PLCG2: variants seen among roughly 807,000 people sequenced by gnomAD.
The protein encoded by PLCG2 is 1-phosphatidylinositol 4,5-bisphosphate phosphodiesterase gamma-2.
In PLCG2, 69 loss-of-function variants were observed where a neutral mutation model predicts 175.6. The observed-to-expected ratio is 0.39, with a 90% CI of 0.32 to 0.48. PLCG2 has a LOEUF of 0.48. Among genes scored for constraint, PLCG2 ranks in the 20% least tolerant of loss-of-function variants. The pLI is 0.91. For missense variants in PLCG2, 1,798 were observed against 1,650.9 expected (o/e 1.09, Z -1.54); for synonymous variants, 827 against 624.0 (o/e 1.33, Z -4.85).
At chr16:81,745,973 T>A (rs998434337) in intron 1 of PLCG2, among the ~76,000 whole-genome samples, 5 of 152,186 alleles carry the variant, frequency 3.3e-5, no homozygotes, top group African/African-American at 7.2e-5. Context: ...GTCCTTCCTT[T>A]TTCTTTAGAA....
chr16:81,815,213 T>C (rs1186991953), intron 2 of PLCG2, among the ~76,000 whole-genome samples: 1 of 152,168 alleles, frequency 6.6e-6, no homozygotes, highest in Non-Finnish European at 1.5e-5. Flanking sequence ...GGAGGTTTTA[T>C]TGCATATGGG....
intron 1 of PLCG2, among the ~76,000 whole-genome samples, chr16:81,751,413 A>G (rs1036115578): frequency 2.6e-5 from 4 of 152,242 alleles, no homozygotes; most frequent in African/African-American, 9.6e-5. Context: ...TATATGTGGA[A>G]TCTAAAACAG....
chr16:81,919,698 TTTC>T (rs752294059), intron 20 of PLCG2, 34 bp downstream of exon 20: 2 of 1,580,604 alleles, frequency 1.3e-6, no homozygotes, highest in Non-Finnish European at 1.7e-6. Context: ...TTTGGTGGGA[TTTC>T]TTGTCTGAGG....
At chr16:81,928,017 T>C (rs1348119933) in intron 23 of PLCG2, among the ~76,000 whole-genome samples, 2 of 97,334 alleles carry the variant, frequency 2.1e-5, no homozygotes, top group Non-Finnish European at 4.8e-5. Context: ...AGTGGATGCC[T>C]GGTTCTGCCA....
intron 2 of PLCG2, among the ~76,000 whole-genome samples, chr16:81,825,754 C>G (rs1443594470): frequency 1.3e-5 from 2 of 152,190 alleles, no homozygotes; most frequent in African/African-American, 4.8e-5. Flanking sequence ...TTCCTTGACC[C>G]ATTCGGTAAA....
chr16:81,957,764 C>G (rs1439414637), intron 32 of PLCG2, among the ~76,000 whole-genome samples, 192 bp from the exon 33 acceptor site: 1 of 152,064 alleles, frequency 6.6e-6, no homozygotes, highest in Non-Finnish European at 1.5e-5. Flanking sequence ...TCTGTTTTAC[C>G]ATTGAGGAGA....
intron 2 of PLCG2, among the ~76,000 whole-genome samples, chr16:81,834,238 C>G (rs1051239701): frequency 3.9e-5 from 6 of 152,136 alleles, no homozygotes; most frequent in Non-Finnish European, 8.8e-5. Flanking sequence ...ACTCTGACAC[C>G]TATTAAATGT....
intron 1 of PLCG2, among the ~76,000 whole-genome samples, chr16:81,780,406 C>G (rs982667579): frequency 2.0e-5 from 3 of 152,192 alleles, no homozygotes; most frequent in East Asian, 1.9e-4. Flanking sequence ...TCCTGACTCT[C>G]TGGTTCAAGG....
In PLCG2 at chr16:81,858,281, C is replaced by T. The variant is rs1366864234; in HGVS notation, c.356C>T (p.Ala119Val). The T allele has an allele frequency of 3.7e-6, 6 of 1,612,284 alleles. No individual in the cohort carries two copies. In the South Asian group the frequency reaches 5.5e-5, roughly 15 times the overall value. The change falls in exon 4 of 33, where the codon GCA becomes GTA. Residue 119 changes from alanine to valine, a missense_variant. Coordinates refer to ENST00000564138, the MANE Select transcript of PLCG2 (RefSeq NM_002661.5). ...LSLAADSKED[A>V]VNWLSGLKIL... ...ACTCCAGCTGACTCTAAAGAGGATG[C>T]AGTTAACTGGCTCTCTGGCTTGAAA...
At chr16:81,839,669 C>T (rs746184022) in intron 2 of PLCG2, among the ~76,000 whole-genome samples, 1 of 152,260 alleles carries the variant, frequency 6.6e-6, no homozygotes, top group Non-Finnish European at 1.5e-5. Context: ...AAATATACTA[C>T]AGTTAAGACA....
At chr16:81,817,049 A>T (rs1182963665) in intron 2 of PLCG2, among the ~76,000 whole-genome samples, 1 of 152,204 alleles carries the variant, frequency 6.6e-6, no homozygotes, top group Non-Finnish European at 1.5e-5. Flanking sequence ...TAGAGGCACA[A>T]CCATCACAGT....
intron 2 of PLCG2, among the ~76,000 whole-genome samples, chr16:81,822,151 C>T (rs901360690): frequency 1.3e-5 from 2 of 152,006 alleles, no homozygotes; most frequent in African/African-American, 4.8e-5. Flanking sequence ...ATCAATTTCT[C>T]TTAGCTTTGT....
At chr16:81,834,982 C>T (rs1238463945) in intron 2 of PLCG2, among the ~76,000 whole-genome samples, 1 of 152,052 alleles carries the variant, frequency 6.6e-6, no homozygotes, top group Non-Finnish European at 1.5e-5. Flanking sequence ...ACCCTGTGGG[C>T]AGGGGAAAGG....
chr16:81,868,387 T>A (rs1481178176), intron 5 of PLCG2, among the ~76,000 whole-genome samples: 2 of 152,176 alleles, frequency 1.3e-5, no homozygotes, highest in African/African-American at 4.8e-5. Flanking sequence ...TACTTATTTT[T>A]GGGGGTGCAG....
At chr16:81,851,896 C>G (rs151173884) in intron 2 of PLCG2, among the ~76,000 whole-genome samples, 3 of 152,304 alleles carry the variant, frequency 2.0e-5, no homozygotes, top group African/African-American at 7.2e-5. Context: ...TTGAGTGCAT[C>G]CCATCCCCTC....
chr16:81,775,329 A>G (rs1277356230), upstream of PLCG2, among the ~76,000 whole-genome samples: 1 of 152,144 alleles, frequency 6.6e-6, no homozygotes, highest in Non-Finnish European at 1.5e-5. Context: ...GGTGGGTCTT[A>G]TGATGGGGAA....
chr16:81,889,258 C>G lies in PLCG2; in HGVS notation c.852C>G (p.Phe284Leu). ...DDTMRETAEP[F>L]LFVDEFLTYL... ...CCATGCGTGAAACTGCTGAGCCTTT[C>G]TTGTTTGTGGATGAGGTGAGTAGGC... The change falls in exon 10 of 33, where the codon TTC (phenylalanine) becomes TTG (leucine). Residue 284 changes from phenylalanine to leucine, a missense_variant. Coordinates refer to ENST00000564138, the MANE Select transcript of PLCG2 (RefSeq NM_002661.5). 1 of 1,596,952 alleles carries G rather than the reference C, an allele frequency of 6.3e-7. No individual in the cohort carries two copies.
chr16:81,872,495 G>A (rs1196692233), intron 7 of PLCG2, among the ~76,000 whole-genome samples: 2 of 152,196 alleles, frequency 1.3e-5, no homozygotes, highest in Non-Finnish European at 1.5e-5. Flanking sequence ...TCTTTGCACA[G>A]CTCATTTTCT....
chr16:81,953,654 A>C (rs1224187245), intron 31 of PLCG2, among the ~76,000 whole-genome samples: 1 of 152,254 alleles, frequency 6.6e-6, no homozygotes, highest in South Asian at 2.1e-4. Context: ...AATAAGTATC[A>C]CAAAATGCTT....
Sources: gnomAD v4.1 joint callset for allele counts (sites outside exome capture counted in the v4.1 genomes callset) on GRCh38, gnomAD v4.1.1 for gene constraint, MANE v1.5 for transcripts, NCBI Gene and HGNC (gene_info 2026-07-23, HGNC 2026-07-21) for gene names.